Variants in GABRR1 observed in about 807,000 individuals in gnomAD.
The protein encoded by GABRR1 is gamma-aminobutyric acid receptor subunit rho-1.
In GABRR1, 59 loss-of-function variants were observed where a neutral mutation model predicts 55.5. The observed-to-expected ratio is 1.06, with a 90% confidence interval of 0.86 to 1.32. The LOEUF (loss-of-function observed/expected upper bound fraction) is 1.32, where lower values mean the gene tolerates loss of function less well. Ranked by LOEUF, GABRR1 falls within the 40% of genes most tolerant of loss-of-function variation. The pLI is 0.00. For missense variants in GABRR1, 602 were observed against 619.1 expected (o/e 0.97, Z 0.29); for synonymous variants, 213 against 226.0 (o/e 0.94, Z 0.51).
At chr6:89,218,777 C>T (rs543737608), upstream of GABRR1, among the ~76,000 whole-genome samples, 1 of 152,318 alleles carries the variant, frequency 6.6e-6, no homozygotes, top group African/African-American at 2.4e-5. Flanking sequence ...ATAATGTCCT[C>T]TCAGGAAACC....
intron 1 of GABRR1, among the ~76,000 whole-genome samples, chr6:89,213,916 C>T (rs371691993): frequency 1.9e-4 from 2 of 10,696 alleles, no homozygotes; most frequent in Non-Finnish European, 5.6e-4. Context: ...ACTAAAGAAA[C>T]AGAAACACTT....
chr6:89,183,834 G>T (rs1469088497), intron 7 of GABRR1, among the ~76,000 whole-genome samples: 1 of 152,176 alleles, frequency 6.6e-6, no homozygotes, highest in Non-Finnish European at 1.5e-5. Flanking sequence ...GGCATACAGA[G>T]TGGTATAGTG....
At chr6:89,194,098 G>A (rs2127796154) in intron 5 of GABRR1, among the ~76,000 whole-genome samples, 1 of 152,300 alleles carries the variant, frequency 6.6e-6, no homozygotes, top group African/African-American at 2.4e-5. Context: ...ATAGCCCTGA[G>A]AACAGGCTGA....
intron 1 of GABRR1, among the ~76,000 whole-genome samples, chr6:89,208,195 T>C (rs564842332): frequency 6.6e-6 from 1 of 152,372 alleles, no homozygotes; most frequent in South Asian, 2.1e-4. Context: ...GTGTTTAACT[T>C]TCATTAATTT....
chr6:89,180,203 C>A, intron 9 of GABRR1, 89 bp downstream of exon 9: 1 of 1,416,056 alleles, frequency 7.1e-7, no homozygotes, highest in African/African-American at 1.4e-5. Context: ...CATGACCTTG[C>A]TTTACAGAGA....
chr6:89,219,895 C>T (rs530035156), upstream of GABRR1, among the ~76,000 whole-genome samples: 1 of 152,180 alleles, frequency 6.6e-6, no homozygotes, highest in East Asian at 1.9e-4. Context: ...TGATTATATC[C>T]TCTTATATAA....
At chr6:89,186,445 G>A (rs1013124956) in intron 6 of GABRR1, among the ~76,000 whole-genome samples, 2 of 152,186 alleles carry the variant, frequency 1.3e-5, no homozygotes, top group African/African-American at 4.8e-5. Context: ...TGCGGCATCC[G>A]CTCCTGCCCC....
At chr6:89,185,985 A>C (rs1465657603) in intron 6 of GABRR1, among the ~76,000 whole-genome samples, 1 of 152,186 alleles carries the variant, frequency 6.6e-6, no homozygotes, top group Non-Finnish European at 1.5e-5. Context: ...AGTTACTCCT[A>C]CTCAGGGTAA....
intron 6 of GABRR1, among the ~76,000 whole-genome samples, chr6:89,188,553 C>T (rs903305262): frequency 6.6e-5 from 10 of 151,910 alleles, no homozygotes; most frequent in African/African-American, 1.9e-4. Context: ...ATTTGTATAC[C>T]GTCTTTGGAG....
In GABRR1 at chr6:89,180,467, A is replaced by G. The variant is rs764478832; in HGVS notation, c.971T>C (p.Met324Thr). The change falls in exon 9 of 10, where the codon ATG becomes ACG. Residue 324 changes from methionine (M) to threonine (T), a missense_variant. Around this residue, in one of 3 missense-constraint regions of GABRR1, gnomAD observed 435 missense variants for 424.2 expected, o/e 1.03. Transcript: ENST00000454853. ...ATTCACGCCCGTGATGATGGTGGAC[A>G]TGGTCAGCACCGTTGTGATACCTGC... ...VPLGITTVLT[M>T]STIITGVNAS... is the part of the protein sequence containing the mutation. 4 of 1,614,020 alleles carry G rather than the reference A, an allele frequency of 2.5e-6. No homozygotes were observed. In the Admixed American group the frequency reaches 5.0e-5, roughly 20 times the overall value.
Position 89,185,404 on chromosome 6 carries a change from A to G in GABRR1, c.702T>C (p.Asn234=). 6.2e-7 allele frequency: 1 copy of G among 1,613,742 alleles called. No homozygotes were observed. Among genetic ancestry groups the G allele is most frequent in the East Asian group, 2.2e-5 (1 of 44,866 alleles). Residue 234 remains asparagine (N), a synonymous_variant, in exon 7 of 10, where the codon AAT becomes AAC. Transcript: ENST00000454853. Reference sequence around the variant, plus strand: ...TCCGTTCATCTGTCTTTAAGGAGTCATTGCCCTTTTTCCAGTACAGCATGA... The same window carrying G: ...TCCGTTCATCTGTCTTTAAGGAGTCGTTGCCCTTTTTCCAGTACAGCATGA... ...DDLMLYWKKG[N]DSLKTDERIS... is the part of the protein sequence containing the mutation.
chr6:89,216,674 C>T (rs1010917271), intron 1 of GABRR1, among the ~76,000 whole-genome samples: 3 of 152,188 alleles, frequency 2.0e-5, no homozygotes, highest in Non-Finnish European at 2.9e-5. Context: ...CAGGAGGCTC[C>T]GTCCCTGGCC....
At chr6:89,186,151 TA>T (rs1157895613) in intron 6 of GABRR1, among the ~76,000 whole-genome samples, 2 of 152,238 alleles carry the variant, frequency 1.3e-5, no homozygotes, top group African/African-American at 2.4e-5. Context: ...TGTTGATGTG[TA>T]AACAGTTCCT....
intron 1 of GABRR1, among the ~76,000 whole-genome samples, chr6:89,224,211 C>G (rs1361888266): frequency 6.6e-6 from 1 of 152,148 alleles, no homozygotes; most frequent in Non-Finnish European, 1.5e-5. Flanking sequence ...ACCTCAGCCT[C>G]CCAAGTAGTA....
chr6:89,185,633 C>T (rs1356977105), intron 6 of GABRR1, among the ~76,000 whole-genome samples, 183 bp from the exon 7 acceptor site: 1 of 152,210 alleles, frequency 6.6e-6, no homozygotes, highest in Non-Finnish European at 1.5e-5. Context: ...ATCTAATTAT[C>T]TCCACTCTTC....
At chr6:89,226,599 G>C (rs918334458) in intron 1 of GABRR1, among the ~76,000 whole-genome samples, 2 of 131,880 alleles carry the variant, frequency 1.5e-5, no homozygotes, top group African/African-American at 5.8e-5. Flanking sequence ...ATTTCTGAGG[G>C]CTCTGTTCTG....
rs566091962 is a variant in GABRR1 at position 89,206,255 on chromosome 6, A to C, written c.123-2770T>G. Among the ~76,000 whole-genome samples, 3 of 151,932 alleles carry C rather than the reference A, an allele frequency of 2.0e-5. No homozygotes were observed. In the East Asian group the frequency reaches 5.8e-4, roughly 29 times the overall value. Reference sequence around the variant, plus strand: ...TCACAATTATGTCACTTCTCTTAAAACCCTTCATCCTCAAAGTAAAATCCG... The same window carrying C: ...TCACAATTATGTCACTTCTCTTAAACCCCTTCATCCTCAAAGTAAAATCCG... On this transcript the variant is annotated intron_variant, in intron 1 of 9. Transcript: ENST00000454853.
rs1051311188 is a variant in GABRR1 at position 89,185,386 on chromosome 6, A to G, written c.720T>C (p.Asp240=). The G allele has an allele frequency of 2.5e-6, 4 of 1,613,844 alleles. No individual in the cohort carries two copies. ...WKKGNDSLKT[D]ERISLSQFLI... ...GGAACTGGGAGAGTGAGATCCGTTC[A>G]TCTGTCTTTAAGGAGTCATTGCCCT... Residue 240 remains aspartate, a synonymous_variant, in exon 7 of 10, where the codon GAT becomes GAC. Coordinates refer to ENST00000454853, the MANE Select transcript of GABRR1 (RefSeq NM_002042.5).
chr6:89,216,173 T>A (rs1179869717), intron 1 of GABRR1, among the ~76,000 whole-genome samples: 1 of 152,218 alleles, frequency 6.6e-6, no homozygotes, highest in Non-Finnish European at 1.5e-5. Context: ...AAACAAATGC[T>A]GTGAGCTACA....
Sources: allele counts gnomAD v4.1 joint callset (sites outside exome capture counted in the v4.1 genomes callset), GRCh38; gene constraint gnomAD v4.1.1; regional missense constraint gnomAD v4.1.1; transcripts MANE v1.5; gene names NCBI Gene and HGNC (gene_info 2026-07-23, HGNC 2026-07-21).